The following STX8 variants were observed in gnomAD, a reference collection of about 807,000 sequenced individuals.
STX8 encodes the protein syntaxin 8, also known as syntaxin-8.
In STX8, 23 loss-of-function variants were observed where a neutral mutation model predicts 37.5. The observed-to-expected ratio is 0.61, with a 90% CI of 0.44 to 0.87. The LOEUF is 0.87. STX8 is among the 40% of genes least tolerant of loss of function. The pLI is 0.00. For synonymous variants in STX8, 115 were observed against 99.1 expected, an observed-to-expected ratio of 1.16 and a Z score of -0.95; for missense variants, 313 against 284.7, an observed-to-expected ratio of 1.10 and a Z score of -0.71.
chr17:9,294,888 G>A lies in STX8; in HGVS notation c.644-44243C>T, dbSNP rs546647437. On this transcript the variant is annotated intron_variant, in intron 7 of 7. Transcript: ENST00000306357. ...ACACCAGAGGGCTCTTTCCTTCTCT[G>A]AACTTGCATACTCTGAGCATGCACA... Among the ~76,000 whole-genome samples the A allele has an allele frequency of 3.9e-5, 6 of 152,296 alleles. No homozygotes were observed. In the South Asian group the frequency reaches 1.2e-3, roughly 32 times the overall value.
Position 9,369,762 on chromosome 17 carries a change from G to C in STX8, c.643+8790C>G, listed in dbSNP as rs914869663. Among the ~76,000 whole-genome samples, 3 of 150,334 alleles carry C rather than the reference G, an allele frequency of 2.0e-5. 1 individual carries two copies. In the South Asian group the frequency reaches 6.4e-4, roughly 32 times the overall value. On this transcript the variant is annotated intron_variant, in intron 7 of 7. Transcript: ENST00000306357. ...ATAAAAATTAGCCAGGCATGACGGC[G>C]AGTGCCTGTAGTCCCAGGTACTCAG...
intron 7 of STX8, among the ~76,000 whole-genome samples, chr17:9,289,310 A>G (rs968576333): frequency 6.6e-6 from 1 of 152,196 alleles, no homozygotes; most frequent in Non-Finnish European, 1.5e-5. Context: ...CAAGAAAATG[A>G]GTTCCAGGAA....
chr17:9,272,317 G>A (rs17741348), intron 7 of STX8, among the ~76,000 whole-genome samples: 18,674 of 152,256 alleles, frequency 0.12, 1,510 homozygotes, highest in Admixed American at 0.22. Flanking sequence ...ACAGAAGCCC[G>A]AGGAAATGCC....
At chr17:9,322,826 A>AAAAAAAG (rs1435728897) in intron 7 of STX8, among the ~76,000 whole-genome samples, 3 of 149,222 alleles carry the variant, frequency 2.0e-5, no homozygotes, top group African/African-American at 7.6e-5. Context: ...AAAAAAAAAA[A>AAAAAAAG]AAAAAAAAAA....
chr17:9,291,862 G>C (rs1908322794), intron 7 of STX8, among the ~76,000 whole-genome samples: 1 of 152,160 alleles, frequency 6.6e-6, no homozygotes, highest in Non-Finnish European at 1.5e-5. Flanking sequence ...TTTATTGCTT[G>C]CTGTTTTATC....
chr17:9,513,671 G>C (rs1567592781), intron 4 of STX8, among the ~76,000 whole-genome samples: 1 of 152,110 alleles, frequency 6.6e-6, no homozygotes, highest in Non-Finnish European at 1.5e-5. Context: ...CCCCTACTGG[G>C]CACTTATCCA....
chr17:9,281,762 C>T (rs1907892354), intron 7 of STX8, among the ~76,000 whole-genome samples: 1 of 152,164 alleles, frequency 6.6e-6, no homozygotes, highest in South Asian at 2.1e-4. Flanking sequence ...GGTGAAACCC[C>T]ATCTCTATTA....
At chr17:9,526,387 A>G (rs1979286) in intron 4 of STX8, among the ~76,000 whole-genome samples, 150,112 of 152,228 alleles carry the variant, frequency 0.99, 74,043 homozygotes, top group Middle Eastern at 1. Context: ...GACCGCCCCC[A>G]CCCGCCACTC....
intron 6 of STX8, among the ~76,000 whole-genome samples, chr17:9,386,892 A>G (rs560577073): frequency 6.6e-6 from 1 of 152,140 alleles, no homozygotes; most frequent in South Asian, 2.1e-4. Flanking sequence ...TTTTTGAGAC[A>G]GAGTTTCACT....
chr17:9,572,807 C>T (rs1431381697), intron 1 of STX8, among the ~76,000 whole-genome samples: 1 of 152,130 alleles, frequency 6.6e-6, no homozygotes, highest in Non-Finnish European at 1.5e-5. Context: ...CTCACTGTTT[C>T]ACTCTCAATA....
chr17:9,367,524 C>T (rs1000345194), intron 7 of STX8, among the ~76,000 whole-genome samples: 10 of 152,182 alleles, frequency 6.6e-5, no homozygotes, highest in Middle Eastern at 3.4e-3. Context: ...TGGGAGTATC[C>T]TAATGGAAAT....
intron 7 of STX8, among the ~76,000 whole-genome samples, chr17:9,367,648 G>A (rs556264592): frequency 2.0e-5 from 3 of 152,320 alleles, no homozygotes; most frequent in Non-Finnish European, 4.4e-5. Flanking sequence ...CAGGAACACA[G>A]AAGTAAATGA....
At chr17:9,563,476 G>T (rs1299886968) in intron 2 of STX8, among the ~76,000 whole-genome samples, 5 of 152,000 alleles carry the variant, frequency 3.3e-5, no homozygotes, top group African/African-American at 1.2e-4. Flanking sequence ...GAGTCACCGC[G>T]CCTGGCCCGA....
intron 6 of STX8, among the ~76,000 whole-genome samples, chr17:9,486,189 C>A (rs1407930063): frequency 6.6e-6 from 1 of 152,162 alleles, no homozygotes; most frequent in Non-Finnish European, 1.5e-5. Context: ...GCACCAAGAT[C>A]TTAGATTCCA....
chr17:9,539,041 A>C (rs560856949), intron 4 of STX8, among the ~76,000 whole-genome samples: 5 of 152,296 alleles, frequency 3.3e-5, no homozygotes, highest in Admixed American at 6.5e-5. Flanking sequence ...GTTTCCAAAT[A>C]CCCTAAATTA....
intron 7 of STX8, among the ~76,000 whole-genome samples, chr17:9,340,155 A>C (rs184661322): frequency 5.4e-4 from 82 of 152,362 alleles, no homozygotes; most frequent in African/African-American, 1.9e-3. Flanking sequence ...CTGCGTGGGA[A>C]TTCTCCAAAC....
chr17:9,544,819 C>T (rs930001918), intron 4 of STX8, among the ~76,000 whole-genome samples: 4 of 151,994 alleles, frequency 2.6e-5, no homozygotes, highest in Admixed American at 1.3e-4. Context: ...GGTGAAACCC[C>T]ATCTCTACTA....
At chr17:9,523,651 C>T (rs1297275670) in intron 4 of STX8, among the ~76,000 whole-genome samples, 1 of 152,218 alleles carries the variant, frequency 6.6e-6, no homozygotes, top group Non-Finnish European at 1.5e-5. Flanking sequence ...TTTGTCTCAA[C>T]ATTACTGTTT....
intron 7 of STX8, among the ~76,000 whole-genome samples, chr17:9,283,584 T>C (rs913513183): frequency 2.0e-5 from 3 of 152,176 alleles, no homozygotes; most frequent in Non-Finnish European, 2.9e-5. Context: ...AGTGTTTTCA[T>C]GTCACTGGGG....
Sources: allele counts gnomAD v4.1 joint callset (sites outside exome capture counted in the v4.1 genomes callset), GRCh38; gene constraint gnomAD v4.1.1; transcripts MANE v1.5; gene names NCBI Gene and HGNC (gene_info 2026-07-23, HGNC 2026-07-21).